MGAM: variants seen among roughly 807,000 people sequenced by gnomAD.
MGAM encodes alpha-1,4-glucosidase.
MGAM carries 253 observed loss-of-function variants against 358.8 expected under a neutral mutation model. That is an observed-to-expected ratio of 0.71 (90% confidence interval 0.64 to 0.78). The LOEUF (loss-of-function observed/expected upper bound fraction) is 0.78, where lower values mean the gene tolerates loss of function less well. MGAM is among the 30% of genes least tolerant of loss of function. The pLI, the probability that MGAM is intolerant of heterozygous loss-of-function variation, is 0.00. For missense variants in MGAM, 3,080 were observed against 3,432.6 expected, an observed-to-expected ratio of 0.90 and a Z score of 2.57; for synonymous variants, 1,105 against 1,227.1, an observed-to-expected ratio of 0.90 and a Z score of 2.08.
At chr7:142,020,213 G>A (rs1032573140) in intron 4 of MGAM, among the ~76,000 whole-genome samples, 3 of 152,156 alleles carry the variant, frequency 2.0e-5, no homozygotes, top group Admixed American at 2.0e-4. Flanking sequence ...ATGGACTGTT[G>A]CAATGAGGTC....
At chr7:142,039,027 G>A (rs951256413) in intron 19 of MGAM, among the ~76,000 whole-genome samples, 5 of 151,956 alleles carry the variant, frequency 3.3e-5, no homozygotes, top group Non-Finnish European at 4.4e-5. Flanking sequence ...TTACAGTCAT[G>A]GAGGAAGGTG....
chr7:142,103,431 A>T lies in MGAM; in HGVS notation c.8176A>T (p.Thr2726Ser), dbSNP rs750453309. 1 of 1,603,594 alleles carries T rather than the reference A, an allele frequency of 6.2e-7. No individual in the cohort carries two copies. Among genetic ancestry groups the T allele is most frequent in the Non-Finnish European group, 8.5e-7 (1 of 1,175,876 alleles). ...AACACCCTCCTTCAACAATGACCCCACGACACAGGTTTGTGACCAGCAAAA... is the reference window on the plus strand; with the variant it reads ...AACACCCTCCTTCAACAATGACCCCTCGACACAGGTTTGTGACCAGCAAAA... The part of the protein sequence containing the change: ...VITPSFNNDP[T>S]TQVLSIDVTD... Residue 2726 changes from threonine (T) to serine (S), a missense_variant, in exon 70 of 71, where the codon ACG becomes TCG. Physicochemically the swap from Thr to Ser is moderately conservative, Grantham distance 58. Transcript: ENST00000475668.
At position 142,088,743 on chromosome 7, in the gene MGAM, GTCTGTCTATCTATCTATCTATCTA is replaced by G. The variant is rs1259863903; in HGVS notation, c.6810+2030_6810+2053del. Among the ~76,000 whole-genome samples the G allele has an allele frequency of 4.5e-3, 432 of 96,824 alleles. 8 individuals are homozygous for G. Among genetic ancestry groups the G allele is most frequent in the African/African-American group, 0.019 (406 of 21,768 alleles). 63.5% of individuals were successfully genotyped at this position (96,824 alleles called of 152,430 possible). On this transcript the variant is annotated intron_variant, in intron 57 of 70. Transcript: ENST00000475668. ...TTTATGTCTGTCTGTCTGTCTGTCT[GTCTGTCTATCTATCTATCTATCTA>G]TCTATCTATCTATCTATCTATCTAT... is the stretch of plus-strand genomic sequence containing the variant.
chr7:142,040,595 T>G, intron 20 of MGAM, 127 bp from the exon 21 acceptor site: 1 of 1,242,552 alleles, frequency 8.0e-7, no homozygotes, highest in Non-Finnish European at 1.1e-6. Context: ...GTTGTTTGAT[T>G]GCCTGGCTAG....
At chr7:142,035,689 A>G (rs993062516) in intron 16 of MGAM, among the ~76,000 whole-genome samples, 2 of 152,162 alleles carry the variant, frequency 1.3e-5, no homozygotes, top group Non-Finnish European at 2.9e-5. Flanking sequence ...GGAATGAGAA[A>G]TGATGCTAAA....
intron 26 of MGAM, 105 bp from the exon 27 acceptor site, chr7:142,054,649 G>A: frequency 8.2e-7 from 1 of 1,217,394 alleles, no homozygotes; most frequent in South Asian, 1.6e-5. Flanking sequence ...AAAGAAGATA[G>A]AAACATAGCA....
intron 7 of MGAM, among the ~76,000 whole-genome samples, chr7:142,024,111 C>G (rs367953583): frequency 4.6e-5 from 7 of 151,968 alleles, no homozygotes; most frequent in African/African-American, 1.7e-4. Flanking sequence ...TGCCTGTAGT[C>G]CCAGCTACTT....
At position 142,052,460 on chromosome 7, in the gene MGAM, T is replaced by A. The variant is rs757109674; in HGVS notation, c.2958+14T>A. 1 of 1,612,486 alleles carries A rather than the reference T, an allele frequency of 6.2e-7. No individual in the cohort carries two copies. Among genetic ancestry groups the A allele is most frequent in the African/African-American group, 1.3e-5 (1 of 74,888 alleles). The stretch of plus-strand genomic sequence containing the variant: ...TGTATCTGGGAGGTAACCATGCTGA[T>A]GGGGTTTGTGTGCATGAGAATCTCC... On this transcript the variant is annotated intron_variant, in intron 25 of 70. Coordinates refer to ENST00000475668, the MANE Select transcript of MGAM (RefSeq NM_001365693.1).
rs146319043 is a variant in MGAM at position 142,070,672 on chromosome 7, C to G, written c.5062-322C>G. Among the ~76,000 whole-genome samples, 81 of 145,436 alleles carry G rather than the reference C, an allele frequency of 5.6e-4. 9 individuals carry two copies. The highest frequency in any genetic ancestry group is 1.7e-3 in the Admixed American group (25 of 14,440). ...AGTGCTGAGACTGAAAAGCCCTGCT[C>G]TAGTTGAGAACATGTAGGATGGAAG... On this transcript the variant is annotated intron_variant, in intron 43 of 70. Coordinates refer to ENST00000475668, the MANE Select transcript of MGAM (RefSeq NM_001365693.1).
upstream of MGAM, among the ~76,000 whole-genome samples, chr7:141,993,147 A>G (rs1401329686): frequency 2.0e-5 from 3 of 152,138 alleles, no homozygotes; most frequent in Admixed American, 2.0e-4. Context: ...TTTTGTTTGT[A>G]TTTTCCAGAT....
rs1437359807 is a variant in MGAM at position 142,036,756 on chromosome 7, G to A, written c.2077-67G>A. The A allele has an allele frequency of 4.6e-6, 7 of 1,511,944 alleles. No individual in the cohort carries two copies. The African/African-American group carries it at 8.3e-5, about 18-fold the overall frequency. 93.7% of individuals were successfully genotyped at this position (1,511,944 alleles called of 1,614,324 possible). ...TTCTTGGTTGTAATGAATGAGGTCT[G>A]GAATTCTGCAGGTGCTTCTGCTATC... On this transcript the variant is annotated intron_variant, in intron 17 of 70. Coordinates refer to ENST00000475668, the MANE Select transcript of MGAM (RefSeq NM_001365693.1).
intron 67 of MGAM, among the ~76,000 whole-genome samples, chr7:142,100,043 T>C (rs1816308582): frequency 6.6e-6 from 1 of 152,148 alleles, no homozygotes; most frequent in Non-Finnish European, 1.5e-5. Flanking sequence ...TAGTATACTA[T>C]TGGGTCTGAT....
intron 7 of MGAM, among the ~76,000 whole-genome samples, chr7:142,023,881 G>A (rs1806702125): frequency 6.6e-6 from 1 of 152,100 alleles, no homozygotes. Context: ...TATGTGGCAG[G>A]GGAACCACCC....
chr7:142,059,980 C>T lies in MGAM; in HGVS notation c.4059+14C>T, dbSNP rs369215683. 94 of 1,584,830 alleles carry T rather than the reference C, an allele frequency of 5.9e-5. No homozygotes were observed. The highest frequency in any genetic ancestry group is 1.7e-4 in the Middle Eastern group (1 of 5,766). ...GTCTGGGGAAAGGTATAATCCTAAGCGATGATCCACTAGTCCCCAGCCTGA... is the reference window on the plus strand; with the variant it reads ...GTCTGGGGAAAGGTATAATCCTAAGTGATGATCCACTAGTCCCCAGCCTGA... On this transcript the variant is annotated intron_variant, in intron 33 of 70. Transcript: ENST00000475668.
chr7:142,098,480 G>A (rs945565857), intron 66 of MGAM, among the ~76,000 whole-genome samples: 2 of 152,112 alleles, frequency 1.3e-5, no homozygotes, highest in African/African-American at 4.8e-5. Context: ...AGGAAGCAGA[G>A]CATGTGCTGG....
chr7:141,990,479 G>T (rs782014395), intron 2 of MGAM, among the ~76,000 whole-genome samples: 3 of 151,952 alleles, frequency 2.0e-5, no homozygotes, highest in Non-Finnish European at 4.4e-5. Flanking sequence ...TGACAGCTCT[G>T]GGCAGTTTCT....
At chr7:142,051,238 T>C (rs114237547) in intron 24 of MGAM, among the ~76,000 whole-genome samples, 7,067 of 151,410 alleles carry the variant, frequency 0.047, 524 homozygotes, top group African/African-American at 0.16. Context: ...AAAAGGCCAG[T>C]TTGGATAGGA....
intron 67 of MGAM, among the ~76,000 whole-genome samples, chr7:142,100,222 A>G (rs1439150649): frequency 6.6e-6 from 1 of 152,142 alleles, no homozygotes; most frequent in Non-Finnish European, 1.5e-5. Flanking sequence ...GAAATTATCT[A>G]TTTTTTCTTA....
upstream of MGAM, among the ~76,000 whole-genome samples, chr7:141,993,937 T>C (rs1804051271): frequency 2.6e-5 from 4 of 152,316 alleles, no homozygotes; most frequent in South Asian, 8.3e-4. Context: ...TGATTTTCTT[T>C]GTATCTCAGC....
Sources: allele counts gnomAD v4.1 joint callset (sites outside exome capture counted in the v4.1 genomes callset), GRCh38; gene constraint gnomAD v4.1.1; transcripts MANE v1.5; gene names NCBI Gene and HGNC (gene_info 2026-07-23, HGNC 2026-07-21).